The following MSH5 variants were observed in gnomAD, a reference collection of about 807,000 sequenced individuals.
The protein encoded by MSH5 is mutS homolog 5.
MSH5 carries 78 observed loss-of-function variants against 107.7 expected under a neutral mutation model. The observed-to-expected ratio is 0.72, with a 90% confidence interval of 0.60 to 0.87. The LOEUF is 0.87. Ranked by LOEUF, MSH5 falls within the 40% of genes least tolerant of loss-of-function variation. The pLI is 0.00. For missense variants in MSH5, 889 were observed against 1,046.6 expected, an observed-to-expected ratio of 0.85 and a Z score of 2.08; for synonymous variants, 326 against 399.5, an observed-to-expected ratio of 0.82 and a Z score of 2.19.
intron 8 of MSH5, among the ~76,000 whole-genome samples, chr6:31,744,976 G>A (rs1384558570): frequency 1.3e-5 from 2 of 151,866 alleles, no homozygotes; most frequent in Non-Finnish European, 2.9e-5. Context: ...TGGGTGTGTT[G>A]TGCGCCTGTA....
intron 10 of MSH5, among the ~76,000 whole-genome samples, chr6:31,753,045 A>G (rs1032260157): frequency 6.6e-6 from 1 of 152,234 alleles, no homozygotes; most frequent in African/African-American, 2.4e-5. Flanking sequence ...TTACTTATAT[A>G]CATGGAATGA....
rs707939 is a variant in MSH5, at chr6:31,758,911, C to A, written c.1326+36C>A. 0.33 allele frequency: 513,100 copies of A among 1,564,132 alleles called. 89,118 individuals carry two copies. The highest frequency in any genetic ancestry group is 0.42 in the East Asian group (18,850 of 44,592). On this transcript the variant is annotated intron_variant, in intron 15 of 24. Coordinates refer to ENST00000375750, the MANE Select transcript of MSH5 (RefSeq NM_172166.4). The surrounding 1 kb of genome is among the most constrained non-coding windows in gnomAD (Gnocchi z 5.1). ...GAGAGTGGGTGTAGCCTTCAGATGT[C>A]TTTTGGGGGAGATATTAGGCTTATG...
rs1434992134 is a variant in MSH5 at position 31,740,865 on chromosome 6, G to T, written c.147+252G>T. Among the ~76,000 whole-genome samples, 2 of 152,118 alleles carry T rather than the reference G, an allele frequency of 1.3e-5. No individual in the cohort carries two copies. Among genetic ancestry groups the T allele is most frequent in the African/African-American group, 4.8e-5 (2 of 41,416 alleles). ...TATCCCAGCTACTGGGAAGGCTGAG[G>T]CAGGAGAATCACTGTAACTCGGGAG... On this transcript the variant is annotated intron_variant, in intron 2 of 24. Transcript: ENST00000375750. The surrounding 1 kb of genome is among the most constrained non-coding windows in gnomAD (Gnocchi z 4.4).
At chr6:31,754,753 CTTTTTTTT>C (rs71552080) in intron 12 of MSH5, among the ~76,000 whole-genome samples, 1 of 135,366 alleles carries the variant, frequency 7.4e-6, no homozygotes, top group African/African-American at 2.8e-5. Context: ...TTTCTTTTTT[CTTTTTTTT>C]TTTTTTTTTG....
chr6:31,742,624 T>C (rs1318557803), intron 3 of MSH5, among the ~76,000 whole-genome samples: 2 of 152,236 alleles, frequency 1.3e-5, no homozygotes, highest in Non-Finnish European at 2.9e-5. Context: ...AAATCAGTCA[T>C]GTCTGTTCTC....
At chr6:31,744,696 C>T (rs1035964661) in intron 8 of MSH5, 115 bp downstream of exon 8, 1 of 1,151,882 alleles carries the variant, frequency 8.7e-7, no homozygotes, top group African/African-American at 1.5e-5. Context: ...TAAGATCTCT[C>T]TCCTTGAAGG....
At position 31,761,704 on chromosome 6, in the gene MSH5, C is replaced by T; in HGVS notation, c.2181+89C>T. The T allele has an allele frequency of 1.2e-6, 2 of 1,612,708 alleles. No individual in the cohort carries two copies. Among genetic ancestry groups the T allele is most frequent in the Non-Finnish European group, 1.7e-6 (2 of 1,179,402 alleles). On this transcript the variant is annotated intron_variant, in intron 22 of 24. Coordinates refer to ENST00000375750, the MANE Select transcript of MSH5 (RefSeq NM_172166.4). This position sits in a 1 kb window ranked among gnomAD's most constrained non-coding sequence, Gnocchi z 5.3. ...GGCTCCTCTATCAGAACAAGGGCTC[C>T]CTCAGCACAGAGACCACATCCCTTC... is the stretch of plus-strand genomic sequence containing the variant.
chr6:31,760,669 C>A lies in MSH5; in HGVS notation c.1813-21C>A, dbSNP rs1810909117. 6.2e-7 allele frequency: 1 copy of A among 1,612,592 alleles called. No individual in the cohort carries two copies. Among genetic ancestry groups the A allele is most frequent in the African/African-American group, 1.3e-5 (1 of 74,936 alleles). ...CAGCCCACGGCACCAGGCCCCAGGC[C>A]CTGTCTCCTTCCCTATTCAGGTAGG... is the stretch of plus-strand genomic sequence containing the variant. On this transcript the variant is annotated intron_variant, in intron 19 of 24. Coordinates refer to ENST00000375750, the MANE Select transcript of MSH5 (RefSeq NM_172166.4). This position sits in a 1 kb window ranked among gnomAD's most constrained non-coding sequence, Gnocchi z 5.6.
Position 31,758,222 on chromosome 6 carries a change from C to G in MSH5, c.1072C>G (p.Gln358Glu). ...DACRSLPQSI[Q>E]LFRDIAQEFS... ...CTGCCGCTCCCTGCCGCAGTCCATCCAGCTCTTTCGGGACATTGCCCAAGA... is the reference window on the plus strand; with the variant it reads ...CTGCCGCTCCCTGCCGCAGTCCATCGAGCTCTTTCGGGACATTGCCCAAGA... Residue 358 changes from glutamine to glutamate, a missense_variant, in exon 13 of 25, where the codon CAG (glutamine) becomes GAG (glutamate). This residue lies in a region of MSH5 where 518 missense variants were observed against 565.0 expected (regional missense o/e 0.92). Transcript: ENST00000375750. The surrounding 1 kb of genome is among the most constrained non-coding windows in gnomAD (Gnocchi z 5.1). 1.2e-6 allele frequency: 2 copies of G among 1,613,074 alleles called. No individual in the cohort carries two copies. The highest frequency in any genetic ancestry group is 1.7e-6 in the Non-Finnish European group (2 of 1,180,042).
At position 31,753,323 on chromosome 6, in the gene MSH5, C is replaced by A. The variant is rs142533600; in HGVS notation, c.835C>A (p.His279Asn). Residue 279 changes from histidine to asparagine, a missense_variant, in exon 11 of 25, where the codon CAT becomes AAT. By Grantham distance (68) the His-to-Asn change is moderately conservative. This residue lies in a region of MSH5 where 518 missense variants were observed against 565.0 expected (regional missense o/e 0.92). Transcript: ENST00000375750. The part of the protein sequence containing the change: ...LLRLWFTRPT[H>N]DLGELSSRLD... ...CAGGCTATGGTTCACACGTCCGACT[C>A]ATGACCTGGGGGAGCTCAGTTCTCG... The A allele has an allele frequency of 6.2e-7, 1 of 1,613,294 alleles. No homozygotes were observed. The highest frequency in any genetic ancestry group is 8.5e-7 in the Non-Finnish European group (1 of 1,179,278).
chr6:31,759,593 T>G lies in MSH5; in HGVS notation c.1495+81T>G. On this transcript the variant is annotated intron_variant, in intron 17 of 24. Coordinates refer to ENST00000375750, the MANE Select transcript of MSH5 (RefSeq NM_172166.4). The surrounding 1 kb of genome is among the most constrained non-coding windows in gnomAD (Gnocchi z 4.7). ...CAGGGGAAGGAGGGGAGTGGGCAAC[T>G]TGGGGATGCTTCCAACAGGCCCCTC... The G allele has an allele frequency of 2.7e-6, 4 of 1,473,614 alleles. No individual in the cohort carries two copies. The highest frequency in any genetic ancestry group is 3.8e-6 in the Non-Finnish European group (4 of 1,064,418). 91.3% of individuals were successfully genotyped at this position (1,473,614 alleles called of 1,614,324 possible).
In MSH5 at chr6:31,759,192, C is replaced by T. The variant is rs575838177; in HGVS notation, c.1407+15C>T. On this transcript the variant is annotated intron_variant, in intron 16 of 24. Transcript: ENST00000375750. This position sits in a 1 kb window ranked among gnomAD's most constrained non-coding sequence, Gnocchi z 4.7. ...TGGACTTCATGGTAAGACCCTCAAC[C>T]TCTGTAAGGTGAGTGATGAGGAAAA... 4 of 1,608,346 alleles carry T rather than the reference C, an allele frequency of 2.5e-6. No homozygotes were observed. In the African/African-American group the frequency reaches 5.3e-5, roughly 21 times the overall value.
Position 31,758,702 on chromosome 6 carries a change from G to T in MSH5, c.1217-64G>T. 1.2e-6 allele frequency: 2 copies of T among 1,609,274 alleles called. No homozygotes were observed. Among genetic ancestry groups the T allele is most frequent in the Non-Finnish European group, 1.7e-6 (2 of 1,175,738 alleles). On this transcript the variant is annotated intron_variant, in intron 14 of 24. Transcript: ENST00000375750. This position sits in a 1 kb window ranked among gnomAD's most constrained non-coding sequence, Gnocchi z 5.1. Reference sequence around the variant, plus strand: ...TTGGCAGGTGGTCACCACAGCTGGGGATCTTCATAGCAACCAGGGCAGGAG... The same window carrying T: ...TTGGCAGGTGGTCACCACAGCTGGGTATCTTCATAGCAACCAGGGCAGGAG...
chr6:31,742,904 T>C lies in MSH5; in HGVS notation c.299T>C (p.Val100Ala). ...CTGGATGAGATCAATCCCCAGTCTGTTGTTACGAGTGCCAAACAGGATGAG... is the reference window on the plus strand; with the variant it reads ...CTGGATGAGATCAATCCCCAGTCTGCTGTTACGAGTGCCAAACAGGATGAG... ...RVLDEINPQS[V>A]VTSAKQDENM... The change falls in exon 4 of 25, where the codon GTT becomes GCT. Residue 100 changes from valine to alanine, a missense_variant. Coordinates refer to ENST00000375750, the MANE Select transcript of MSH5 (RefSeq NM_172166.4). 1 of 1,613,050 alleles carries C rather than the reference T, an allele frequency of 6.2e-7. No individual in the cohort carries two copies. Among genetic ancestry groups the C allele is most frequent in the Non-Finnish European group, 8.5e-7 (1 of 1,180,028 alleles).
chr6:31,740,403 C>T lies in MSH5; in HGVS notation c.-13-51C>T. 6.5e-7 allele frequency: 1 copy of T among 1,530,304 alleles called. No homozygotes were observed. The allele number at this position is 1,530,304 out of a possible 1,614,324, so 94.8% of individuals were successfully genotyped here. A position where few individuals can be genotyped will look rare whatever the true frequency, so the allele number is the denominator to read the frequency against. On this transcript the variant is annotated intron_variant, in intron 1 of 24. Transcript: ENST00000375750. This position sits in a 1 kb window ranked among gnomAD's most constrained non-coding sequence, Gnocchi z 4.4. ...ATTCTGCGCGCCACCCTACCCCGGC[C>T]TCCTCTGTGAATCGTTGCTTCCGAA... is the stretch of plus-strand genomic sequence containing the variant.
Position 31,740,356 on chromosome 6 carries a change from G to A in MSH5, c.-13-98G>A, listed in dbSNP as rs1256282115. 13 of 1,308,940 alleles carry A rather than the reference G, an allele frequency of 9.9e-6. No individual in the cohort carries two copies. Among genetic ancestry groups the A allele is most frequent in the African/African-American group, 1.5e-5 (1 of 65,860 alleles). 81.1% of individuals were successfully genotyped at this position (1,308,940 alleles called of 1,614,324 possible). On this transcript the variant is annotated intron_variant, in intron 1 of 24. Transcript: ENST00000375750. This position sits in a 1 kb window ranked among gnomAD's most constrained non-coding sequence, Gnocchi z 4.4. ...CTCAGCCCTGCCCCGCAGCCCTGTAGCAGAAGTACTTAGTGCTTTGCATTC... is the reference window on the plus strand; with the variant it reads ...CTCAGCCCTGCCCCGCAGCCCTGTAACAGAAGTACTTAGTGCTTTGCATTC...
chr6:31,751,199 C>T (rs1335505203), intron 10 of MSH5, among the ~76,000 whole-genome samples: 3 of 152,010 alleles, frequency 2.0e-5, no homozygotes, highest in Non-Finnish European at 4.4e-5. Flanking sequence ...GGTTTCACCG[C>T]GTTAGCCAGG....
At chr6:31,754,616 A>G (rs1263869616) in intron 12 of MSH5, among the ~76,000 whole-genome samples, 3 of 152,060 alleles carry the variant, frequency 2.0e-5, no homozygotes, top group Non-Finnish European at 2.9e-5. Flanking sequence ...GGCTCAAGCA[A>G]TCCTCCCACC....
At chr6:31,753,517 A>G in intron 11 of MSH5, 50 bp from the exon 12 acceptor site, 3 of 1,613,724 alleles carry the variant, frequency 1.9e-6, no homozygotes, top group Non-Finnish European at 2.5e-6. Flanking sequence ...CTTGAGGGGC[A>G]TTAGAGTGAG....
Sources: allele counts gnomAD v4.1 joint callset (sites outside exome capture counted in the v4.1 genomes callset), GRCh38; gene constraint gnomAD v4.1.1; regional missense constraint gnomAD v4.1.1; non-coding constraint Gnocchi (gnomAD v3.1); transcripts MANE v1.5; gene names NCBI Gene and HGNC (gene_info 2026-07-23, HGNC 2026-07-21).